MAGI1: variants seen among roughly 807,000 people sequenced by gnomAD.
MAGI1 encodes the protein membrane associated guanylate kinase, WW and PDZ domain containing 1.
A neutral mutation model predicts 139.9 loss-of-function variants in MAGI1; 58 were observed. That is an observed-to-expected ratio of 0.41 (90% CI 0.34 to 0.52). The LOEUF (loss-of-function observed/expected upper bound fraction) is 0.52. MAGI1 is among the 20% of genes least tolerant of loss of function. The pLI, the probability that MAGI1 is intolerant of heterozygous loss-of-function variation, is 0.12. For synonymous variants in MAGI1, 812 were observed against 737.9 expected (o/e 1.10, Z -1.63); for missense variants, 1,874 against 1,901.6 (o/e 0.99, Z 0.27).
intron 6 of MAGI1, among the ~76,000 whole-genome samples, chr3:65,449,517 G>A (rs1284286625): frequency 6.6e-6 from 1 of 152,140 alleles, no homozygotes; most frequent in Non-Finnish European, 1.5e-5. Context: ...TCTCATGCCT[G>A]TAATCCTAGC....
intron 2 of MAGI1, among the ~76,000 whole-genome samples, chr3:65,580,452 A>G (rs1438139408): frequency 1.3e-5 from 2 of 152,188 alleles, no homozygotes; most frequent in Non-Finnish European, 2.9e-5. Flanking sequence ...ACAGTGACCC[A>G]AAGTCAAACA....
intron 1 of MAGI1, among the ~76,000 whole-genome samples, chr3:65,786,906 C>T (rs925915919): frequency 6.6e-6 from 1 of 152,252 alleles, no homozygotes; most frequent in Admixed American, 6.5e-5. Flanking sequence ...TGAGCCACCG[C>T]GCAAGACCCC....
intron 1 of MAGI1, among the ~76,000 whole-genome samples, chr3:65,818,758 G>A (rs192851779): frequency 3.3e-5 from 5 of 152,212 alleles, no homozygotes; most frequent in East Asian, 1.9e-4. Flanking sequence ...CTGAGAGCAC[G>A]AGGGCACCAG....
chr3:65,794,475 T>A (rs2039991372), intron 1 of MAGI1, among the ~76,000 whole-genome samples: 1 of 151,954 alleles, frequency 6.6e-6, no homozygotes, highest in African/African-American at 2.4e-5. Flanking sequence ...TAACGCAGCC[T>A]CAATCTCTGA....
intron 1 of MAGI1, among the ~76,000 whole-genome samples, chr3:65,950,067 C>CAAAAAAAAACAAAAAA (rs2063733550): frequency 1.3e-5 from 1 of 76,738 alleles, no homozygotes; most frequent in African/African-American, 5.8e-5. Context: ...AACAAAAAAA[C>CAAAAAAAAACAAAAAA]AAAAAAAAAA....
chr3:65,764,121 A>G (rs572040416), intron 1 of MAGI1, among the ~76,000 whole-genome samples: 1 of 151,278 alleles, frequency 6.6e-6, no homozygotes, highest in Non-Finnish European at 1.5e-5. Context: ...CAAAAGAATT[A>G]TAGTTTGGGT....
intron 6 of MAGI1, among the ~76,000 whole-genome samples, chr3:65,449,581 C>T (rs1948895840): frequency 6.6e-6 from 1 of 152,052 alleles, no homozygotes; most frequent in South Asian, 2.1e-4. Flanking sequence ...TCGAGACCAG[C>T]CTGGCCAACA....
At chr3:65,491,697 C>T (rs540149072) in intron 3 of MAGI1, among the ~76,000 whole-genome samples, 6 of 151,112 alleles carry the variant, frequency 4.0e-5, no homozygotes, top group African/African-American at 1.2e-4. Flanking sequence ...CCCGCAGCCC[C>T]CCTCCCTTCC....
chr3:65,374,061 T>C (rs1370156810), intron 18 of MAGI1, among the ~76,000 whole-genome samples: 1 of 152,196 alleles, frequency 6.6e-6, no homozygotes, highest in Non-Finnish European at 1.5e-5. Flanking sequence ...ACCCTAATTT[T>C]CTTATTTTAT....
At chr3:65,494,721 T>G (rs1056477004) in intron 2 of MAGI1, among the ~76,000 whole-genome samples, 1 of 152,234 alleles carries the variant, frequency 6.6e-6, no homozygotes, top group Non-Finnish European at 1.5e-5. Flanking sequence ...CGACTATATG[T>G]GCCTAGTGGC....
At chr3:65,751,443 A>G (rs968971152) in intron 1 of MAGI1, among the ~76,000 whole-genome samples, 1 of 152,190 alleles carries the variant, frequency 6.6e-6, no homozygotes, top group South Asian at 2.1e-4. Context: ...TCTCTTTTCA[A>G]TCTAACATTA....
chr3:65,425,412 T>C (rs1946965219), intron 12 of MAGI1, among the ~76,000 whole-genome samples: 1 of 152,162 alleles, frequency 6.6e-6, no homozygotes, highest in South Asian at 2.1e-4. Context: ...TTGCATCCTC[T>C]GTCTCCACAG....
At chr3:65,833,270 C>T (rs2108303593) in intron 1 of MAGI1, among the ~76,000 whole-genome samples, 1 of 152,132 alleles carries the variant, frequency 6.6e-6, no homozygotes, top group Admixed American at 6.5e-5. Flanking sequence ...AGGCGTGCAC[C>T]ACTACGCTCA....
At position 65,372,363 on chromosome 3, in the gene MAGI1, T is replaced by C. The variant is rs138565100; in HGVS notation, c.3196+3382A>G. Among the ~76,000 whole-genome samples, 381 of 152,326 alleles carry C rather than the reference T, an allele frequency of 2.5e-3. 1 individual carries two copies. Among genetic ancestry groups the C allele is most frequent in the African/African-American group, 8.4e-3 (349 of 41,582 alleles). On this transcript the variant is annotated intron_variant, in intron 18 of 22. Coordinates refer to ENST00000402939, the MANE Select transcript of MAGI1 (RefSeq NM_001033057.2). Reference sequence around the variant, plus strand: ...TCCCCTAAGCAGTAGGTCTCAACAGTGGGCTTAAAATACTCAATAAACCAC... The same window carrying C: ...TCCCCTAAGCAGTAGGTCTCAACAGCGGGCTTAAAATACTCAATAAACCAC...
intron 1 of MAGI1, among the ~76,000 whole-genome samples, chr3:65,681,842 G>C (rs1049678530): frequency 6.6e-6 from 1 of 152,158 alleles, no homozygotes; most frequent in Non-Finnish European, 1.5e-5. Flanking sequence ...TTTAATAAGA[G>C]TTTTGGCTTT....
At chr3:65,502,966 A>G (rs2077141820) in intron 2 of MAGI1, among the ~76,000 whole-genome samples, 1 of 152,172 alleles carries the variant, frequency 6.6e-6, no homozygotes, top group African/African-American at 2.4e-5. Context: ...TCCATGATAC[A>G]GGTAATCCCA....
intron 10 of MAGI1, 137 bp from the exon 11 acceptor site, chr3:65,431,018 C>A: frequency 2.5e-6 from 2 of 791,412 alleles, no homozygotes; most frequent in Non-Finnish European, 4.0e-6. Flanking sequence ...TTAAGAAAGT[C>A]CTCTCTTAAT....
intron 1 of MAGI1, among the ~76,000 whole-genome samples, chr3:65,736,185 G>C (rs921179711): frequency 4.6e-5 from 7 of 152,138 alleles, no homozygotes; most frequent in Non-Finnish European, 7.3e-5. Flanking sequence ...CTTGCCAAAA[G>C]AGCACTTTGA....
At chr3:65,430,179 C>T (rs369863698) in intron 11 of MAGI1, 39 bp from the exon 12 acceptor site, 16 of 1,598,354 alleles carry the variant, frequency 1.0e-5, no homozygotes, top group African/African-American at 1.3e-5. Context: ...GAAAACAGCA[C>T]CCAGAAAATT....
Sources: gnomAD v4.1 joint callset for allele counts (sites outside exome capture counted in the v4.1 genomes callset) on GRCh38, gnomAD v4.1.1 for gene constraint, MANE v1.5 for transcripts, NCBI Gene and HGNC (gene_info 2026-07-23, HGNC 2026-07-21) for gene names.